Variants in TJP1 observed in about 807,000 individuals in gnomAD.
TJP1 encodes the protein tight junction protein ZO-1.
In TJP1, 43 loss-of-function variants were observed where a neutral mutation model predicts 194.2. The ratio of observed to expected loss-of-function variants is 0.22; its 90% CI spans 0.17 to 0.29. TJP1 has a LOEUF of 0.29. Ranked by LOEUF, TJP1 falls within the 10% of genes least tolerant of loss-of-function variation. The pLI, the probability that TJP1 is intolerant of heterozygous loss-of-function variation, is 1.00. For missense variants in TJP1, 1,971 were observed against 2,185.7 expected, an observed-to-expected ratio of 0.90 and a Z score of 1.96; for synonymous variants, 801 against 779.0, an observed-to-expected ratio of 1.03 and a Z score of -0.47.
chr15:29,718,630 A>C lies in TJP1; in HGVS notation c.3512T>G (p.Leu1171Arg). ...AGGGTGGGGCTGGGCTTCCGGTCTGAGTCTACCATGTGTGTCATACCCAGG... is the reference window on the plus strand; with the variant it reads ...AGGGTGGGGCTGGGCTTCCGGTCTGCGTCTACCATGTGTGTCATACCCAGG... ...PAPGYDTHGR[L>R]RPEAQPHPSA... Residue 1171 changes from leucine to arginine, a missense_variant, in exon 21 of 28, where the codon CTC (leucine) becomes CGC (arginine). By Grantham distance (102) the Leu-to-Arg change is moderately radical. Around this residue, in one of 5 missense-constraint regions of TJP1, gnomAD observed 1,108 missense variants for 1,128.5 expected, o/e 0.98. Coordinates refer to ENST00000614355, the MANE Select transcript of TJP1 (RefSeq NM_001330239.4). 1 of 1,614,092 alleles carries C rather than the reference A, an allele frequency of 6.2e-7. No individual in the cohort carries two copies. The highest frequency in any genetic ancestry group is 8.5e-7 in the Non-Finnish European group (1 of 1,180,030).
At chr15:29,843,219 G>A (rs779372389) in intron 2 of TJP1, among the ~76,000 whole-genome samples, 29 of 144,420 alleles carry the variant, frequency 2.0e-4, no homozygotes, top group Non-Finnish European at 3.6e-4. Context: ...ACGGAGTTTC[G>A]CTCTTGTTGC....
chr15:29,790,658 C>T (rs965734610), intron 2 of TJP1, among the ~76,000 whole-genome samples: 1 of 151,966 alleles, frequency 6.6e-6, no homozygotes, highest in African/African-American at 2.4e-5. Context: ...ATTTTTGCAC[C>T]CATTAACCAA....
At chr15:29,774,808 G>A (rs938998697) in intron 2 of TJP1, among the ~76,000 whole-genome samples, 7 of 151,764 alleles carry the variant, frequency 4.6e-5, no homozygotes, top group African/African-American at 1.7e-4. Context: ...AATAAAACAG[G>A]GAAATTTCTG....
chr15:29,869,148 T>C (rs571016348), intron 2 of TJP1, among the ~76,000 whole-genome samples: 1 of 152,332 alleles, frequency 6.6e-6, no homozygotes. Flanking sequence ...TAATTTCAGA[T>C]GAATCAAGTT....
intron 2 of TJP1, among the ~76,000 whole-genome samples, chr15:29,799,252 A>G (rs957439840): frequency 6.6e-6 from 1 of 152,184 alleles, no homozygotes; most frequent in Non-Finnish European, 1.5e-5. Flanking sequence ...TTATATGTTT[A>G]ATCATATGTA....
rs778393314 is a variant in TJP1, at chr15:29,719,954, G to A, written c.2826C>T (p.Thr942=). Residue 942 remains threonine (T), a synonymous_variant, in exon 20 of 28, where the codon ACC becomes ACT. Transcript: ENST00000614355. ...AATTTACATTATGATTAACAGCAGA[G>A]GTTGATGATGCTGGGTTTGTTTCAG... ...LSPETNPASS[T]SAVNHNVNLT... is the part of the protein sequence containing the mutation. The A allele has an allele frequency of 8.7e-6, 14 of 1,614,066 alleles. No individual in the cohort carries two copies. The highest frequency in any genetic ancestry group is 3.3e-5 in the Admixed American group (2 of 59,994).
chr15:29,819,150 C>T (rs2050150303), intron 1 of TJP1, among the ~76,000 whole-genome samples: 1 of 152,134 alleles, frequency 6.6e-6, no homozygotes. Context: ...TCTACATTTT[C>T]TTCTATTTTA....
chr15:29,716,515 T>C (rs2042572357), intron 23 of TJP1, 96 bp downstream of exon 23: 9 of 907,090 alleles, frequency 9.9e-6, no homozygotes, highest in Non-Finnish European at 1.5e-5. Context: ...ACAGAAATCA[T>C]ATATTACACT....
intron 1 of TJP1, among the ~76,000 whole-genome samples, chr15:29,963,405 C>A (rs764939602): frequency 5.9e-5 from 9 of 152,112 alleles, no homozygotes; most frequent in Admixed American, 1.3e-4. Flanking sequence ...CGAGAAAATA[C>A]AGCCTCATGG....
intron 2 of TJP1, among the ~76,000 whole-genome samples, chr15:29,892,099 C>T (rs567802098): frequency 2.6e-5 from 4 of 152,316 alleles, no homozygotes; most frequent in Admixed American, 2.0e-4. Flanking sequence ...CCAGTGAACA[C>T]ATGAATGATA....
chr15:29,794,074 T>G (rs1253923347), intron 2 of TJP1, among the ~76,000 whole-genome samples: 1 of 152,230 alleles, frequency 6.6e-6, no homozygotes, highest in Non-Finnish European at 1.5e-5. Flanking sequence ...AGTTCAGCAG[T>G]GAAGCCATCA....
chr15:29,720,047 G>C lies in TJP1; in HGVS notation c.2764-31C>G, dbSNP rs753073911. 3.2e-6 allele frequency: 5 copies of C among 1,559,600 alleles called. No homozygotes were observed. The East Asian group carries it at 9.0e-5, about 28-fold the overall frequency. ...AAGTGTTTAAAATATTTTAAATATA[G>C]TGTTTCTGTTTACTGCTAACTTTCC... On this transcript the variant is annotated intron_variant, in intron 19 of 27. Transcript: ENST00000614355.
intron 2 of TJP1, among the ~76,000 whole-genome samples, chr15:29,832,961 C>A (rs2050884926): frequency 6.6e-6 from 1 of 152,152 alleles, no homozygotes; most frequent in South Asian, 2.1e-4. Flanking sequence ...CCCCTAAGGG[C>A]CACACTGGGC....
At chr15:29,751,267 TC>T (rs143684708) in intron 8 of TJP1, among the ~76,000 whole-genome samples, 1 of 152,324 alleles carries the variant, frequency 6.6e-6, no homozygotes, top group African/African-American at 2.4e-5. Flanking sequence ...TTCCACTTTG[TC>T]ATTTTGTAAG....
intron 15 of TJP1, 54 bp downstream of exon 15, chr15:29,732,379 C>T: frequency 1.4e-6 from 2 of 1,432,710 alleles, no homozygotes; most frequent in Non-Finnish European, 1.9e-6. Flanking sequence ...AGAACTCACT[C>T]ACTTTAGAGG....
In TJP1 at chr15:29,730,866, G is replaced by A. The variant is rs544326669; in HGVS notation, c.2017+1567C>T. On this transcript the variant is annotated intron_variant, in intron 15 of 27. Transcript: ENST00000614355. ...GGCCCCTGCAAAGAAGGGAGAGAAG[G>A]TACCCAAAGGGAAAAAGGGAAAAGC... is the stretch of plus-strand genomic sequence containing the variant. 22 of 1,205,078 alleles carry A rather than the reference G, an allele frequency of 1.8e-5. No homozygotes were observed. In the African/African-American group the frequency reaches 2.1e-4, roughly 11 times the overall value. 74.6% of individuals were successfully genotyped at this position (1,205,078 alleles called of 1,614,324 possible).
intron 2 of TJP1, among the ~76,000 whole-genome samples, chr15:29,776,718 T>A (rs969546583): frequency 1.4e-4 from 21 of 152,134 alleles, no homozygotes; most frequent in Non-Finnish European, 2.8e-4. Context: ...ATCTTCCAAA[T>A]GATGCCACAT....
chr15:29,931,981 T>C (rs1162747536), intron 2 of TJP1, among the ~76,000 whole-genome samples: 2 of 152,166 alleles, frequency 1.3e-5, no homozygotes, highest in Admixed American at 1.3e-4. Flanking sequence ...GGTGGGAGTG[T>C]AGTAGTGAGG....
At chr15:29,699,546 T>G (rs1237520219), downstream of TJP1, 1 of 152,230 alleles carries the variant, frequency 6.6e-6, no homozygotes, top group African/African-American at 2.4e-5. Context: ...TGTCAAAATT[T>G]GAACTATACA....
Sources: allele counts gnomAD v4.1 joint callset (sites outside exome capture counted in the v4.1 genomes callset), GRCh38; gene constraint gnomAD v4.1.1; regional missense constraint gnomAD v4.1.1; transcripts MANE v1.5; gene names NCBI Gene and HGNC (gene_info 2026-07-23, HGNC 2026-07-21).